The following CDKAL1 variants were observed in gnomAD, a reference collection of about 807,000 sequenced individuals.
CDKAL1 encodes the protein CDKAL1 threonylcarbamoyladenosine tRNA methylthiotransferase.
In CDKAL1, 32 loss-of-function variants were observed where a neutral mutation model predicts 68.2. The ratio of observed to expected loss-of-function variants is 0.47; its 90% CI spans 0.35 to 0.63. The LOEUF is 0.63. Among genes scored for constraint, CDKAL1 ranks in the 30% least tolerant of loss-of-function variants. CDKAL1 has a pLI of 0.00. For synonymous variants in CDKAL1, 234 were observed against 244.3 expected, an observed-to-expected ratio of 0.96 and a Z score of 0.39; for missense variants, 606 against 696.7, an observed-to-expected ratio of 0.87 and a Z score of 1.47.
At chr6:21,034,676 A>G (rs1211892387) in intron 11 of CDKAL1, among the ~76,000 whole-genome samples, 2 of 152,296 alleles carry the variant, frequency 1.3e-5, no homozygotes, top group East Asian at 3.9e-4. Context: ...CAAACTGCCT[A>G]CAAGTTTAAC....
rs533368032 is a variant in CDKAL1 at position 20,851,776 on chromosome 6, GATTA to G, written c.742+5603_742+5606del. On this transcript the variant is annotated intron_variant, in intron 9 of 15. Coordinates refer to ENST00000274695, the MANE Select transcript of CDKAL1 (RefSeq NM_017774.3). ...CAAAGATACTATCTAGTATGTATAA[GATTA>G]ATTATGAAATGCAACTGTAGTACAT... Among the ~76,000 whole-genome samples, 188 of 151,430 alleles carry G rather than the reference GATTA, an allele frequency of 1.2e-3. 1 individual carries two copies. The highest frequency in any genetic ancestry group is 2.4e-3 in the Non-Finnish European group (166 of 67,880).
At chr6:20,755,346 A>T (rs1774121747) in intron 6 of CDKAL1, among the ~76,000 whole-genome samples, 1 of 152,182 alleles carries the variant, frequency 6.6e-6, no homozygotes, top group Admixed American at 6.5e-5. Context: ...CCATTGCCAG[A>T]TACTGGACCT....
chr6:20,978,197 A>G (rs1385233341), intron 10 of CDKAL1, among the ~76,000 whole-genome samples: 1 of 152,230 alleles, frequency 6.6e-6, no homozygotes, highest in Non-Finnish European at 1.5e-5. Flanking sequence ...TTCCACATAA[A>G]ATGTTGCAGA....
chr6:20,576,671 G>A (rs778970708), intron 4 of CDKAL1, among the ~76,000 whole-genome samples: 1 of 152,142 alleles, frequency 6.6e-6, no homozygotes, highest in Non-Finnish European at 1.5e-5. Context: ...GTTTCCCCAT[G>A]TTCCTTGTAG....
chr6:20,961,426 C>G (rs543253627), intron 10 of CDKAL1, among the ~76,000 whole-genome samples: 1 of 152,094 alleles, frequency 6.6e-6, no homozygotes, highest in African/African-American at 2.4e-5. Context: ...ACAACAGATA[C>G]TGGGGCCTGC....
intron 8 of CDKAL1, among the ~76,000 whole-genome samples, chr6:20,823,134 A>G (rs1777355786): frequency 6.6e-6 from 1 of 151,888 alleles, no homozygotes; most frequent in Non-Finnish European, 1.5e-5. Context: ...TTCTGAAGAG[A>G]GATGTTGTTT....
Position 21,219,820 on chromosome 6 carries a change from T to C in CDKAL1, c.1549-11028T>C, listed in dbSNP as rs16884685. Among the ~76,000 whole-genome samples, 27 of 152,172 alleles carry C rather than the reference T, an allele frequency of 1.8e-4. 1 individual carries two copies. The highest frequency in any genetic ancestry group is 6.5e-4 in the African/African-American group (27 of 41,402). ...CACTTTCATGGTTACCTAGTTGGAA[T>C]GAAACCCTTAGGAACAATTATTTTG... On this transcript the variant is annotated intron_variant, in intron 15 of 15. Coordinates refer to ENST00000274695, the MANE Select transcript of CDKAL1 (RefSeq NM_017774.3).
rs566303092 is a variant in CDKAL1, at chr6:20,756,961, C to T, written c.469-1634C>T. Among the ~76,000 whole-genome samples, 4 of 147,604 alleles carry T rather than the reference C, an allele frequency of 2.7e-5. No individual in the cohort carries two copies. In the East Asian group the frequency reaches 8.4e-4, roughly 31 times the overall value. On this transcript the variant is annotated intron_variant, in intron 6 of 15. Coordinates refer to ENST00000274695, the MANE Select transcript of CDKAL1 (RefSeq NM_017774.3). ...CCTTCCCTCCTTCCTTCCTTCCTTT[C>T]CTTACTGTGTTGCCCAGGCTTGAGT... is the stretch of plus-strand genomic sequence containing the variant.
intron 4 of CDKAL1, among the ~76,000 whole-genome samples, chr6:20,568,327 G>A (rs1764545411): frequency 6.6e-6 from 1 of 152,044 alleles, no homozygotes; most frequent in African/African-American, 2.4e-5. Context: ...CCTATTCTTA[G>A]CTTTTAAATT....
chr6:21,052,875 T>C (rs144177033), intron 11 of CDKAL1, among the ~76,000 whole-genome samples: 304 of 152,262 alleles, frequency 2.0e-3, no homozygotes, highest in African/African-American at 7.1e-3. Flanking sequence ...GAGAATATAA[T>C]TGAGTCTCAC....
rs146562905 is a variant in CDKAL1 at position 20,613,202 on chromosome 6, A to G, written c.287-36091A>G. ...TGTTGCAGAAGTAATTGCAGCTAAT[A>G]TATGATTTGGTTACCTTGTTTTATC... On this transcript the variant is annotated intron_variant, in intron 4 of 15. Coordinates refer to ENST00000274695, the MANE Select transcript of CDKAL1 (RefSeq NM_017774.3). Among the ~76,000 whole-genome samples the G allele has an allele frequency of 5.3e-4, 78 of 145,816 alleles. No individual in the cohort carries two copies. In the East Asian group the frequency reaches 0.014, roughly 25 times the overall value.
intron 12 of CDKAL1, among the ~76,000 whole-genome samples, chr6:21,106,777 C>CAAG (rs1773864233): frequency 6.6e-6 from 1 of 152,154 alleles, no homozygotes; most frequent in African/African-American, 2.4e-5. Flanking sequence ...ATTTTGGTAT[C>CAAG]TACGGGGAGT....
intron 4 of CDKAL1, among the ~76,000 whole-genome samples, chr6:20,562,726 A>C (rs150943292): frequency 0.023 from 3,457 of 151,876 alleles, 140 homozygotes; most frequent in African/African-American, 0.08. Context: ...TGGGCAATAG[A>C]GTGAGACTCC....
intron 2 of CDKAL1, among the ~76,000 whole-genome samples, chr6:20,545,854 T>G (rs1393755519): frequency 6.6e-6 from 1 of 152,234 alleles, no homozygotes; most frequent in African/African-American, 2.4e-5. Flanking sequence ...AAAAATAAAA[T>G]TTTTGAATAT....
intron 9 of CDKAL1, among the ~76,000 whole-genome samples, chr6:20,893,113 C>A (rs541257653): frequency 2.0e-5 from 3 of 152,182 alleles, no homozygotes; most frequent in Non-Finnish European, 2.9e-5. Context: ...ATCCCAAAAA[C>A]GCATCTCTCT....
chr6:20,844,984 T>G (rs1778323873), intron 8 of CDKAL1, among the ~76,000 whole-genome samples: 1 of 152,224 alleles, frequency 6.6e-6, no homozygotes, highest in Non-Finnish European at 1.5e-5. Context: ...GTCGGTTAAA[T>G]AGTTAAACAC....
At chr6:20,605,544 A>G (rs1353888888) in intron 4 of CDKAL1, among the ~76,000 whole-genome samples, 5 of 152,074 alleles carry the variant, frequency 3.3e-5, no homozygotes, top group Admixed American at 2.0e-4. Context: ...GATGCTAAAC[A>G]TTGTAAATTT....
At chr6:20,699,618 C>A (rs1771253433) in intron 5 of CDKAL1, among the ~76,000 whole-genome samples, 1 of 151,968 alleles carries the variant, frequency 6.6e-6, no homozygotes. Context: ...CCAGATGCAC[C>A]CTGTTTACCC....
At chr6:20,619,903 T>G (rs1447339662) in intron 4 of CDKAL1, among the ~76,000 whole-genome samples, 1 of 152,232 alleles carries the variant, frequency 6.6e-6, no homozygotes, top group African/African-American at 2.4e-5. Flanking sequence ...TCAAGTGACT[T>G]GGAAAGGTTA....
Sources: allele counts gnomAD v4.1 joint callset (sites outside exome capture counted in the v4.1 genomes callset), GRCh38; gene constraint gnomAD v4.1.1; transcripts MANE v1.5; gene names NCBI Gene and HGNC (gene_info 2026-07-23, HGNC 2026-07-21).